LCMT1: variants seen among roughly 807,000 people sequenced by gnomAD.
LCMT1 encodes the protein leucine carboxyl methyltransferase 1.
In LCMT1, 32 loss-of-function variants were observed where a neutral mutation model predicts 47.7. The ratio of observed to expected loss-of-function variants is 0.67; its 90% confidence interval spans 0.51 to 0.90. The LOEUF (loss-of-function observed/expected upper bound fraction) is 0.90, where lower values mean the gene tolerates loss of function less well. LCMT1 is among the 40% of genes least tolerant of loss of function. The pLI is 0.00. For missense variants in LCMT1, 375 were observed against 415.2 expected (o/e 0.90, Z 0.84); for synonymous variants, 152 against 149.7 (o/e 1.02, Z -0.11).
intron 10 of LCMT1, among the ~76,000 whole-genome samples, chr16:25,175,859 A>T (rs569955709): frequency 6.6e-6 from 1 of 152,320 alleles, no homozygotes; most frequent in South Asian, 2.1e-4. Context: ...GTGCTTTTAT[A>T]GCACAAAAAC....
At position 25,164,538 on chromosome 16, in the gene LCMT1, A is replaced by G. The variant is rs559727592; in HGVS notation, c.570-60A>G. The G allele has an allele frequency of 5.0e-6, 8 of 1,609,994 alleles. No homozygotes were observed. The East Asian group carries it at 8.9e-5, about 18-fold the overall frequency. On this transcript the variant is annotated intron_variant, in intron 6 of 10. Transcript: ENST00000399069. The stretch of plus-strand genomic sequence containing the variant: ...CCACCAATACTGCAACATGTGTACA[A>G]TTAGAGGGTCCTGACTTGATGATAA...
At chr16:25,118,575 C>T (rs1959871562) in intron 1 of LCMT1, among the ~76,000 whole-genome samples, 1 of 151,930 alleles carries the variant, frequency 6.6e-6, no homozygotes, top group Non-Finnish European at 1.5e-5. Flanking sequence ...CAATATGTGT[C>T]GTGTGAGACG....
chr16:25,170,515 A>G (rs1409010846), intron 8 of LCMT1, among the ~76,000 whole-genome samples, 199 bp from the exon 9 acceptor site: 1 of 152,170 alleles, frequency 6.6e-6, no homozygotes. Flanking sequence ...CTCTCATCCC[A>G]GCACCTTGGG....
chr16:25,136,279 C>T (rs1960502172), intron 3 of LCMT1, among the ~76,000 whole-genome samples: 1 of 151,342 alleles, frequency 6.6e-6, no homozygotes, highest in Admixed American at 6.6e-5. Context: ...TCAGCCATGT[C>T]GAGTCCCCTT....
At chr16:25,150,018 T>C (rs1322002301) in intron 4 of LCMT1, among the ~76,000 whole-genome samples, 1 of 152,060 alleles carries the variant, frequency 6.6e-6, no homozygotes, top group African/African-American at 2.4e-5. Flanking sequence ...AGTTAGTTAT[T>C]ATAGATGACA....
Position 25,132,418 on chromosome 16 carries a change from C to T in LCMT1, c.222C>T (p.Val74=). The T allele has an allele frequency of 1.2e-6, 2 of 1,613,768 alleles. No homozygotes were observed. The highest frequency in any genetic ancestry group is 1.7e-6 in the Non-Finnish European group (2 of 1,179,808). The change falls in exon 3 of 11, where the codon GTC becomes GTT. Residue 74 remains valine (V), a synonymous_variant. Transcript: ENST00000399069. ...PEINRGYFAR[V]HGVSQLIKAF... ...CCCCCCTAGGATATTTTGCTCGAGT[C>T]CATGGTGTCAGTCAGCTTATAAAGG... is the stretch of plus-strand genomic sequence containing the variant.
intron 3 of LCMT1, among the ~76,000 whole-genome samples, chr16:25,137,967 T>C (rs1236064164): frequency 6.6e-6 from 1 of 152,148 alleles, no homozygotes; most frequent in Non-Finnish European, 1.5e-5. Context: ...TCTGTCCCTC[T>C]ATACCTGTGC....
At chr16:25,164,839 C>A in intron 7 of LCMT1, 121 bp downstream of exon 7, 2 of 1,304,216 alleles carry the variant, frequency 1.5e-6, no homozygotes, top group Non-Finnish European at 2.2e-6. Flanking sequence ...TCTCACATAT[C>A]TCCTTTATTC....
chr16:25,133,232 A>G (rs1405488223), intron 3 of LCMT1, among the ~76,000 whole-genome samples: 3 of 152,106 alleles, frequency 2.0e-5, no homozygotes, highest in African/African-American at 7.2e-5. Context: ...TTGGAGATTC[A>G]TATGGCTGGG....
At chr16:25,150,298 C>A (rs1361636544) in intron 4 of LCMT1, among the ~76,000 whole-genome samples, 1 of 145,340 alleles carries the variant, frequency 6.9e-6, no homozygotes, top group African/African-American at 2.5e-5. Flanking sequence ...ACTGTGACTT[C>A]AAGCTCAAGA....
chr16:25,130,929 G>A (rs1960333805), intron 2 of LCMT1, among the ~76,000 whole-genome samples: 2 of 152,248 alleles, frequency 1.3e-5, no homozygotes, highest in Non-Finnish European at 1.5e-5. Context: ...TGCAGGAAAG[G>A]TAGTCATTCA....
At chr16:25,137,901 C>G (rs921682266) in intron 3 of LCMT1, among the ~76,000 whole-genome samples, 7 of 151,998 alleles carry the variant, frequency 4.6e-5, no homozygotes, top group African/African-American at 1.5e-4. Flanking sequence ...GATTTCTGCC[C>G]CCATCATGCT....
intron 4 of LCMT1, chr16:25,145,295 G>A (rs922576123): frequency 5.3e-5 from 8 of 152,168 alleles, no homozygotes; most frequent in South Asian, 2.1e-4. Flanking sequence ...TCTGAATCCT[G>A]CCATGTTTGG....
chr16:25,129,415 G>A (rs1000239972), intron 2 of LCMT1, among the ~76,000 whole-genome samples: 1 of 152,098 alleles, frequency 6.6e-6, no homozygotes, highest in African/African-American at 2.4e-5. Flanking sequence ...TCTGTCATGT[G>A]AAAAATGGTA....
chr16:25,151,437 G>A, intron 4 of LCMT1, 117 bp from the exon 5 acceptor site: 1 of 846,690 alleles, frequency 1.2e-6, no homozygotes, highest in Non-Finnish European at 1.9e-6. Context: ...TTGAACAATA[G>A]CAAATATATA....
At chr16:25,146,172 A>G (rs142935598) in intron 4 of LCMT1, 347 of 152,382 alleles carry the variant, frequency 2.3e-3, no homozygotes, top group African/African-American at 7.8e-3. Flanking sequence ...CTGCAATTGC[A>G]ATTGGAGAGG....
chr16:25,132,259 C>G (rs1166949851), intron 2 of LCMT1, 143 bp from the exon 3 acceptor site: 2 of 996,210 alleles, frequency 2.0e-6, no homozygotes, highest in Non-Finnish European at 2.9e-6. Context: ...TGCTGTTTCT[C>G]CCATAGAGTC....
chr16:25,156,391 A>G (rs1961257485), intron 5 of LCMT1, among the ~76,000 whole-genome samples: 1 of 152,226 alleles, frequency 6.6e-6, no homozygotes, highest in Non-Finnish European at 1.5e-5. Context: ...TGTTGAATGA[A>G]TACTCACGTG....
intron 7 of LCMT1, among the ~76,000 whole-genome samples, chr16:25,167,859 C>T (rs1295713491): frequency 6.6e-6 from 1 of 152,028 alleles, no homozygotes; most frequent in Non-Finnish European, 1.5e-5. Flanking sequence ...CTCCCAGGTT[C>T]AAGAGATTCT....
Sources: allele counts gnomAD v4.1 joint callset (sites outside exome capture counted in the v4.1 genomes callset), GRCh38; gene constraint gnomAD v4.1.1; transcripts MANE v1.5; gene names NCBI Gene and HGNC (gene_info 2026-07-23, HGNC 2026-07-21).